RTKN2: variants seen among roughly 807,000 people sequenced by gnomAD.
The protein encoded by RTKN2 is rhotekin 2.
In RTKN2, 69 loss-of-function variants were observed where a neutral mutation model predicts 71.5. That is an observed-to-expected ratio of 0.96 (90% CI 0.79 to 1.18). The LOEUF (loss-of-function observed/expected upper bound fraction) is 1.18, where lower values mean the gene tolerates loss of function less well. RTKN2 is among the 50% of genes most tolerant of loss of function. RTKN2 has a pLI of 0.00. For synonymous variants in RTKN2, 236 were observed against 236.5 expected (o/e 1.00, Z 0.02); for missense variants, 724 against 719.7 (o/e 1.01, Z -0.07).
At chr10:62,208,356 G>GCTGAC (rs145166477) in intron 9 of RTKN2, among the ~76,000 whole-genome samples, 28,117 of 151,820 alleles carry the variant, frequency 0.19, 2,856 homozygotes, top group African/African-American at 0.27. Context: ...CAAATAAATG[G>GCTGAC]CTGACTCTCA....
intron 7 of RTKN2, among the ~76,000 whole-genome samples, chr10:62,218,935 C>T (rs1050918017): frequency 3.9e-5 from 6 of 152,120 alleles, no homozygotes; most frequent in Non-Finnish European, 5.9e-5. Flanking sequence ...GCAGTGAACT[C>T]AGACTGCACC....
At chr10:62,260,914 C>T (rs887591485) in intron 2 of RTKN2, among the ~76,000 whole-genome samples, 5 of 152,106 alleles carry the variant, frequency 3.3e-5, no homozygotes, top group Non-Finnish European at 7.4e-5. Context: ...CCCCTCTTGA[C>T]AAAATATCCT....
In RTKN2 at chr10:62,205,152, T is replaced by A. The variant is rs1396981839; in HGVS notation, c.1021-130A>T. On this transcript the variant is annotated intron_variant, in intron 9 of 11. Coordinates refer to ENST00000373789, the MANE Select transcript of RTKN2 (RefSeq NM_145307.4). ...AATCTTATTGCTGATCATTTGAAAT[T>A]TAAAACATGTAATTTTGAGAATTTT... The A allele has an allele frequency of 7.2e-6, 5 of 697,544 alleles. No homozygotes were observed. In the Admixed American group the frequency reaches 1.5e-4, roughly 20 times the overall value. 43.2% of individuals were successfully genotyped at this position (697,544 alleles called of 1,614,324 possible). A position where few individuals can be genotyped will look rare whatever the true frequency, so the allele number is the denominator to read the frequency against.
chr10:62,226,819 G>C (rs982270733), intron 6 of RTKN2, among the ~76,000 whole-genome samples: 2 of 152,174 alleles, frequency 1.3e-5, no homozygotes, highest in African/African-American at 4.8e-5. Flanking sequence ...AAGTAGGCTG[G>C]GCATGGTGGC....
At chr10:62,210,256 G>A (rs1268813054) in intron 9 of RTKN2, among the ~76,000 whole-genome samples, 3 of 152,146 alleles carry the variant, frequency 2.0e-5, no homozygotes, top group East Asian at 3.9e-4. Context: ...ATCTACATAT[G>A]ACAACTTATA....
chr10:62,184,859 T>C (rs1841109829), intron 8 of RTKN2, among the ~76,000 whole-genome samples: 1 of 152,174 alleles, frequency 6.6e-6, no homozygotes, highest in South Asian at 2.1e-4. Flanking sequence ...AAAACAGGCC[T>C]TGTTAGTTAC....
At chr10:62,226,762 A>G (rs1456128690) in intron 6 of RTKN2, among the ~76,000 whole-genome samples, 1 of 152,170 alleles carries the variant, frequency 6.6e-6, no homozygotes, top group Non-Finnish European at 1.5e-5. Flanking sequence ...CACATAATGA[A>G]TCCCCAAAAA....
chr10:62,236,086 C>A lies in RTKN2; in HGVS notation c.666G>T (p.Leu222Phe), dbSNP rs1004998435. 1 of 1,611,990 alleles carries A rather than the reference C, an allele frequency of 6.2e-7. No homozygotes were observed. The highest frequency in any genetic ancestry group is 8.5e-7 in the Non-Finnish European group (1 of 1,178,572). ...VLQEEDDEMC[L>F]LLSSAVFGVK... ...CTTACAAAACAGCAGAGCTGAGGAG[C>A]AAGCACATTTCATCATCCTCTTCTT... The change falls in exon 6 of 12, where the codon TTG becomes TTT. Residue 222 changes from leucine to phenylalanine, a missense_variant. Transcript: ENST00000373789.
intron 2 of RTKN2, among the ~76,000 whole-genome samples, chr10:62,258,403 G>T (rs1053619019): frequency 1.3e-5 from 2 of 152,176 alleles, no homozygotes; most frequent in Non-Finnish European, 2.9e-5. Context: ...AGCACTTTGA[G>T]TGAAGATCTA....
intron 5 of RTKN2, among the ~76,000 whole-genome samples, chr10:62,236,495 C>T (rs771251828): frequency 7.9e-5 from 12 of 151,864 alleles, no homozygotes; most frequent in Non-Finnish European, 1.8e-4. Context: ...ACACTGCTGG[C>T]GGAGTCATTA....
chr10:62,202,891 T>G (rs557234449), intron 10 of RTKN2, among the ~76,000 whole-genome samples: 3 of 152,368 alleles, frequency 2.0e-5, no homozygotes, highest in African/African-American at 7.2e-5. Context: ...CTGGGTGCGG[T>G]GGCTCACACC....
chr10:62,206,005 A>G (rs1489994968), intron 9 of RTKN2, among the ~76,000 whole-genome samples: 1 of 152,198 alleles, frequency 6.6e-6, no homozygotes, highest in African/African-American at 2.4e-5. Flanking sequence ...TTTTCTAAAA[A>G]CCACAATAAG....
At chr10:62,189,026 G>GC (rs1415406431), downstream of RTKN2, among the ~76,000 whole-genome samples, 2 of 150,724 alleles carry the variant, frequency 1.3e-5, no homozygotes, top group Non-Finnish European at 2.9e-5. Flanking sequence ...GGGATTACAG[G>GC]CGTGAGCCAC....
At chr10:62,214,555 C>G (rs1841727511) in intron 9 of RTKN2, among the ~76,000 whole-genome samples, 1 of 152,124 alleles carries the variant, frequency 6.6e-6, no homozygotes, top group Non-Finnish European at 1.5e-5. Context: ...TCAATTCAGT[C>G]AGGCCATATA....
intron 6 of RTKN2, among the ~76,000 whole-genome samples, chr10:62,235,717 T>A (rs1842243855): frequency 6.6e-6 from 1 of 151,936 alleles, no homozygotes; most frequent in South Asian, 2.1e-4. Context: ...AAAATTAATG[T>A]AATGTTTAGT....
chr10:62,259,953 A>G (rs1438015803), intron 2 of RTKN2, among the ~76,000 whole-genome samples: 1 of 152,218 alleles, frequency 6.6e-6, no homozygotes, highest in African/African-American at 2.4e-5. Flanking sequence ...TTGTTCTATT[A>G]GATATTCGTC....
chr10:62,236,238 T>G lies in RTKN2; in HGVS notation c.514A>C (p.Ile172Leu). ...CAGCAACTATACACTTCCACCTTTATCTGAAAGTCTGGCCCTGCTTCATTA... is the reference window on the plus strand; with the variant it reads ...CAGCAACTATACACTTCCACCTTTAGCTGAAAGTCTGGCCCTGCTTCATTA... ...IFNEAGPDFQIKVEVYSCCTE... is the reference protein window; with the variant it reads ...IFNEAGPDFQLKVEVYSCCTE... Residue 172 changes from isoleucine (I) to leucine (L), a missense_variant, in exon 6 of 12, where the codon ATA becomes CTA. By Grantham distance (5) the Ile-to-Leu change is conservative. Transcript: ENST00000373789. 1.2e-6 allele frequency: 2 copies of G among 1,610,194 alleles called. No homozygotes were observed. The highest frequency in any genetic ancestry group is 1.7e-6 in the Non-Finnish European group (2 of 1,177,468).
intron 1 of RTKN2, among the ~76,000 whole-genome samples, chr10:62,264,836 ATTTTTT>A (rs11357727): frequency 1.4e-5 from 2 of 146,226 alleles, no homozygotes; most frequent in Admixed American, 6.8e-5. Flanking sequence ...GGGCTTGAGC[ATTTTTT>A]TTTTTTTTTA....
At chr10:62,210,565 T>C (rs1038514968) in intron 9 of RTKN2, among the ~76,000 whole-genome samples, 1 of 152,164 alleles carries the variant, frequency 6.6e-6, no homozygotes, top group Admixed American at 6.5e-5. Flanking sequence ...AAATGAGTTA[T>C]TTGAAAAGTG....
Sources: gnomAD v4.1 joint callset for allele counts (sites outside exome capture counted in the v4.1 genomes callset) on GRCh38, gnomAD v4.1.1 for gene constraint, MANE v1.5 for transcripts, NCBI Gene and HGNC (gene_info 2026-07-23, HGNC 2026-07-21) for gene names.